The following PCDHGA2 variants were observed in gnomAD, a reference collection of about 807,000 sequenced individuals.
PCDHGA2 encodes the protein protocadherin gamma subfamily A, 2.
A neutral mutation model predicts 59.2 loss-of-function variants in PCDHGA2; 40 were observed. The ratio of observed to expected loss-of-function variants is 0.68; its 90% CI spans 0.52 to 0.88. The LOEUF (loss-of-function observed/expected upper bound fraction) is 0.88. PCDHGA2 is among the 40% of genes least tolerant of loss of function. The probability of loss-of-function intolerance (pLI) is 0.00; values close to 1 mark genes in which losing one functional copy is unlikely to be tolerated. For missense variants in PCDHGA2, 1,226 were observed against 1,204.0 expected (o/e 1.02, Z -0.27); for synonymous variants, 560 against 526.0 (o/e 1.06, Z -0.89).
At chr5:141,410,124 G>T in intron 1 of PCDHGA2, 1 of 1,612,726 alleles carries the variant, frequency 6.2e-7, no homozygotes, top group South Asian at 1.1e-5. Flanking sequence ...GCCCGCCAGC[G>T]CCTGCTGGTC....
chr5:141,351,650 G>A, intron 1 of PCDHGA2: 2 of 1,613,996 alleles, frequency 1.2e-6, no homozygotes, highest in Non-Finnish European at 1.7e-6. Context: ...CAACCCACCT[G>A]GCGCCTCCAT....
chr5:141,432,506 G>A lies in PCDHGA2; in HGVS notation c.2425-62301G>A. 3 of 1,614,140 alleles carry A rather than the reference G, an allele frequency of 1.9e-6. No homozygotes were observed. Among genetic ancestry groups the A allele is most frequent in the Non-Finnish European group, 2.5e-6 (3 of 1,180,036 alleles). On this transcript the variant is annotated intron_variant, in intron 1 of 3. Transcript: ENST00000394576. This position sits in a 1 kb window ranked among gnomAD's most constrained non-coding sequence, Gnocchi z 6.0. ...CGTGGAGCTGGCTCCCCGCTCCGCA[G>A]AGCCCGGCTACCTGGTGACCAAGGT... is the stretch of plus-strand genomic sequence containing the variant.
At chr5:141,482,239 A>G (rs529504334) in intron 1 of PCDHGA2, among the ~76,000 whole-genome samples, 31 of 152,332 alleles carry the variant, frequency 2.0e-4, no homozygotes, top group Middle Eastern at 3.4e-3. Context: ...TGCCAATATA[A>G]GTATAGTACT....
At chr5:141,346,446 A>T in intron 1 of PCDHGA2, 1 of 1,614,264 alleles carries the variant, frequency 6.2e-7, no homozygotes, top group Non-Finnish European at 8.5e-7. Flanking sequence ...AGGAGATTCC[A>T]ACCTACTTCA....
chr5:141,431,622 C>T lies in PCDHGA2; in HGVS notation c.2425-63185C>T, dbSNP rs761448407. 3 of 1,614,070 alleles carry T rather than the reference C, an allele frequency of 1.9e-6. No individual in the cohort carries two copies. The African/African-American group carries it at 4.0e-5, about 22-fold the overall frequency. ...TCCTTCCGGTATGTGGACGACAAGGCGGCCCAAGTTTTCAAACTAGATTGT... is the reference window on the plus strand; with the variant it reads ...TCCTTCCGGTATGTGGACGACAAGGTGGCCCAAGTTTTCAAACTAGATTGT... On this transcript the variant is annotated intron_variant, in intron 1 of 3. Transcript: ENST00000394576. The surrounding 1 kb of genome is among the most constrained non-coding windows in gnomAD (Gnocchi z 4.8).
At chr5:141,374,037 C>G (rs1770042713) in intron 1 of PCDHGA2, 8 of 1,446,082 alleles carry the variant, frequency 5.5e-6, no homozygotes, top group Non-Finnish European at 7.3e-6. Context: ...TGATGCAGAT[C>G]TGTTCTTCCT....
rs369518437 is a variant in PCDHGA2, at chr5:141,341,419, C to T, written c.2424+24C>T. On this transcript the variant is annotated intron_variant, in intron 1 of 3. Coordinates refer to ENST00000394576, the MANE Select transcript of PCDHGA2 (RefSeq NM_018915.4). ...AGGTAATCTATCTTTTCACAACATA[C>T]GTACTAGCTAGTTTGCTGAAGTAAT... 3.2e-5 allele frequency: 52 copies of T among 1,612,896 alleles called. 1 individual carries two copies. The African/African-American group carries it at 4.1e-4, about 13-fold the overall frequency.
At chr5:141,503,023 A>AAT (rs2099817696) in intron 2 of PCDHGA2, among the ~76,000 whole-genome samples, 1 of 141,888 alleles carries the variant, frequency 7.0e-6, no homozygotes, top group African/African-American at 2.6e-5. Context: ...TTTTTTTTTT[A>AAT]ATATCTATTT....
At chr5:141,497,464 T>C (rs1277760390) in intron 2 of PCDHGA2, among the ~76,000 whole-genome samples, 1 of 151,764 alleles carries the variant, frequency 6.6e-6, no homozygotes, top group Admixed American at 6.6e-5. Context: ...CTTGGAGATA[T>C]GGAGGAGAAG....
chr5:141,385,687 C>T, intron 1 of PCDHGA2: 1 of 334,978 alleles, frequency 3.0e-6, no homozygotes, highest in Non-Finnish European at 4.4e-6. Context: ...GCTGTCTTCT[C>T]AGGATTCTCT....
chr5:141,404,533 T>A, intron 1 of PCDHGA2: 2 of 1,613,926 alleles, frequency 1.2e-6, no homozygotes. Flanking sequence ...AGTTTAGAGA[T>A]TTGCAAATGC....
intron 1 of PCDHGA2, chr5:141,415,733 T>C: frequency 7.1e-7 from 1 of 1,407,484 alleles, no homozygotes; most frequent in Non-Finnish European, 9.3e-7. Context: ...ATTTGATGTT[T>C]ATTAAGGTTT....
In PCDHGA2 at chr5:141,485,179, C is replaced by G. The variant is rs1405000217; in HGVS notation, c.2425-9628C>G. The G allele has an allele frequency of 1.2e-6, 2 of 1,612,648 alleles. No homozygotes were observed. Among genetic ancestry groups the G allele is most frequent in the African/African-American group, 2.7e-5 (2 of 74,924 alleles). ...AGAATTAGCGGGCGGCAGCAATGCT[C>G]CGCAAGGTGAGAAGCTGGACAGAAA... is the stretch of plus-strand genomic sequence containing the variant. On this transcript the variant is annotated intron_variant, in intron 1 of 3. Transcript: ENST00000394576. This position sits in a 1 kb window ranked among gnomAD's most constrained non-coding sequence, Gnocchi z 5.7.
chr5:141,491,800 C>T lies in PCDHGA2; in HGVS notation c.2425-3007C>T. The T allele has an allele frequency of 6.7e-7, 1 of 1,500,854 alleles. No individual in the cohort carries two copies. Among genetic ancestry groups the T allele is most frequent in the Non-Finnish European group, 8.9e-7 (1 of 1,125,316 alleles). 93.0% of individuals were successfully genotyped at this position (1,500,854 alleles called of 1,614,324 possible). A position where few individuals can be genotyped will look rare whatever the true frequency, so the allele number is the denominator to read the frequency against. Reference sequence around the variant, plus strand: ...GAACTTGCATCCACTCCTCTCCGGCCGGCTTGGTCGCTGGCTGCGCTCCAC... The same window carrying T: ...GAACTTGCATCCACTCCTCTCCGGCTGGCTTGGTCGCTGGCTGCGCTCCAC... On this transcript the variant is annotated intron_variant, in intron 1 of 3. Transcript: ENST00000394576. The surrounding 1 kb of genome is among the most constrained non-coding windows in gnomAD (Gnocchi z 6.9).
chr5:141,437,484 T>C (rs547317864), intron 1 of PCDHGA2, among the ~76,000 whole-genome samples: 2 of 152,332 alleles, frequency 1.3e-5, no homozygotes, highest in South Asian at 4.1e-4. Flanking sequence ...ATATTTAATC[T>C]CGTAGATCAC....
chr5:141,375,377 C>G, intron 1 of PCDHGA2: 1 of 1,613,940 alleles, frequency 6.2e-7, no homozygotes, highest in South Asian at 1.1e-5. Context: ...AACACCACCT[C>G]TGTCTACAGA....
chr5:141,410,485 A>G, intron 1 of PCDHGA2: 3 of 1,614,016 alleles, frequency 1.9e-6, no homozygotes, highest in Non-Finnish European at 1.7e-6. Flanking sequence ...ATACGGGTAC[A>G]AAAGAGTTTA....
rs368940925 is a variant in PCDHGA2, at chr5:141,360,407, A to G, written c.2424+19012A>G. On this transcript the variant is annotated intron_variant, in intron 1 of 3. Transcript: ENST00000394576. ...GACTTACTTGTGAGTGACAGAATAG[A>G]CCGAGAACAGATATGCGGGAAGCAG... is the stretch of plus-strand genomic sequence containing the variant. 1.3e-4 allele frequency: 215 copies of G among 1,613,834 alleles called. No individual in the cohort carries two copies. Among genetic ancestry groups the G allele is most frequent in the Non-Finnish European group, 1.7e-4 (205 of 1,179,876 alleles).
chr5:141,389,712 A>G, intron 1 of PCDHGA2: 1 of 1,612,620 alleles, frequency 6.2e-7, no homozygotes, highest in East Asian at 2.2e-5. Context: ...GCTGCAGGCT[A>G]GCGAGCCCGG....
Sources: allele counts gnomAD v4.1 joint callset (sites outside exome capture counted in the v4.1 genomes callset), GRCh38; gene constraint gnomAD v4.1.1; non-coding constraint Gnocchi (gnomAD v3.1); transcripts MANE v1.5; gene names NCBI Gene and HGNC (gene_info 2026-07-23, HGNC 2026-07-21).